The following CHP1 variants were observed in gnomAD, a reference collection of about 807,000 sequenced individuals.
The protein encoded by CHP1 is calcineurin like EF-hand protein 1, also known as calcineurin B homologous protein 1.
A neutral mutation model predicts 27.4 loss-of-function variants in CHP1; 11 were observed. The ratio of observed to expected loss-of-function variants is 0.40; its 90% CI spans 0.25 to 0.67. The LOEUF is 0.67. CHP1 is among the 30% of genes least tolerant of loss of function. The pLI, the probability that CHP1 is intolerant of heterozygous loss-of-function variation, is 0.38. For synonymous variants in CHP1, 89 were observed against 87.4 expected (o/e 1.02, Z -0.10); for missense variants, 169 against 251.3 (o/e 0.67, Z 2.22).
At chr15:41,252,984 G>T (rs1244504734) in intron 2 of CHP1, among the ~76,000 whole-genome samples, 4 of 116,558 alleles carry the variant, frequency 3.4e-5, no homozygotes, top group African/African-American at 1.3e-4. Context: ...CTGTCACCAG[G>T]CTGGAGTGCA....
rs1361105240 is a variant in CHP1, at chr15:41,280,391, C to A, written c.*1002C>A. ...GGCACCCTATAAAGCCTCATGCATT[C>A]ACACCTTTGCAGCATGGTTTATGCC... is the stretch of plus-strand genomic sequence containing the variant. On this transcript the variant is annotated 3_prime_UTR_variant, in exon 7 of 7. Coordinates refer to ENST00000334660, the MANE Select transcript of CHP1 (RefSeq NM_007236.5). The A allele has an allele frequency of 2.6e-5, 4 of 152,436 alleles. No homozygotes were observed. Among genetic ancestry groups the A allele is most frequent in the African/African-American group, 9.7e-5 (4 of 41,376 alleles). 9.4% of individuals were successfully genotyped at this position (152,436 alleles called of 1,614,324 possible).
chr15:41,244,208 A>AC (rs1309773760), intron 2 of CHP1, among the ~76,000 whole-genome samples: 6 of 141,692 alleles, frequency 4.2e-5, no homozygotes, highest in African/African-American at 1.5e-4. Context: ...AAAAAAAAAA[A>AC]AAAAACAGCG....
At chr15:41,237,132 CT>C (rs1163894345) in intron 1 of CHP1, among the ~76,000 whole-genome samples, 2 of 147,362 alleles carry the variant, frequency 1.4e-5, no homozygotes, top group African/African-American at 2.5e-5. Flanking sequence ...CACCTGGCCC[CT>C]TTTTTTCTTT....
chr15:41,231,531 C>A, intron 1 of CHP1, 82 bp downstream of exon 1: 1 of 1,369,572 alleles, frequency 7.3e-7, no homozygotes, highest in Non-Finnish European at 1.0e-6. Context: ...AGGTCTGGAG[C>A]TCGGGTGCCT....
At chr15:41,273,230 T>G (rs554930123) in intron 5 of CHP1, among the ~76,000 whole-genome samples, 2 of 152,234 alleles carry the variant, frequency 1.3e-5, no homozygotes, top group South Asian at 4.1e-4. Flanking sequence ...AAGGTGCAAT[T>G]ATACTAGAAA....
At chr15:41,271,056 C>T (rs970826641) in intron 5 of CHP1, among the ~76,000 whole-genome samples, 1 of 151,944 alleles carries the variant, frequency 6.6e-6, no homozygotes, top group Non-Finnish European at 1.5e-5. Context: ...GAGATCGAGA[C>T]CATCCTGGCT....
At chr15:41,234,882 G>A (rs1478113413) in intron 1 of CHP1, among the ~76,000 whole-genome samples, 1 of 152,080 alleles carries the variant, frequency 6.6e-6, no homozygotes, top group African/African-American at 2.4e-5. Flanking sequence ...TATATCATTG[G>A]GGAGGTGACA....
intron 1 of CHP1, among the ~76,000 whole-genome samples, chr15:41,232,503 G>A (rs918540593): frequency 1.3e-5 from 2 of 150,762 alleles, no homozygotes; most frequent in Non-Finnish European, 3.0e-5. Context: ...GAGCCACCGT[G>A]CCCTGCAGAA....
At chr15:41,272,301 A>G (rs2047493686) in intron 5 of CHP1, 1 of 151,534 alleles carries the variant, frequency 6.6e-6, no homozygotes, top group South Asian at 2.1e-4. Flanking sequence ...CCTGGCCCCA[A>G]CTGTCCATTT....
intron 1 of CHP1, among the ~76,000 whole-genome samples, chr15:41,240,348 T>C (rs2047299851): frequency 6.6e-6 from 1 of 152,034 alleles, no homozygotes. Flanking sequence ...AATTTTAAAA[T>C]TATATAAATT....
chr15:41,269,733 C>G (rs1455313289), intron 4 of CHP1, among the ~76,000 whole-genome samples: 1 of 152,052 alleles, frequency 6.6e-6, no homozygotes, highest in Non-Finnish European at 1.5e-5. Context: ...TTAGTATTTG[C>G]AGCACTCTAT....
intron 1 of CHP1, among the ~76,000 whole-genome samples, chr15:41,241,812 C>T (rs1290195736): frequency 6.6e-6 from 1 of 152,240 alleles, no homozygotes; most frequent in African/African-American, 2.4e-5. Context: ...GTTCCCAACA[C>T]TACAAGTACA....
chr15:41,257,054 C>T (rs1381388634), intron 3 of CHP1, 64 bp downstream of exon 3: 15 of 1,251,908 alleles, frequency 1.2e-5, no homozygotes, highest in Non-Finnish European at 1.7e-5. Flanking sequence ...ATTTGCTAAT[C>T]TGGAATAATG....
At chr15:41,239,942 A>G (rs1464076672) in intron 1 of CHP1, among the ~76,000 whole-genome samples, 1 of 151,120 alleles carries the variant, frequency 6.6e-6, no homozygotes, top group Non-Finnish European at 1.5e-5. Context: ...ACGCCCGTCT[A>G]ATTTTTTGTA....
In CHP1 at chr15:41,281,019, T is replaced by G. The variant is rs1191620873; in HGVS notation, c.*1630T>G. 1 of 151,646 alleles carries G rather than the reference T, an allele frequency of 6.6e-6. No individual in the cohort carries two copies. The highest frequency in any genetic ancestry group is 6.6e-5 in the Admixed American group (1 of 15,206). 9.4% of individuals were successfully genotyped at this position (151,646 alleles called of 1,614,324 possible). A position where few individuals can be genotyped will look rare whatever the true frequency, so the allele number is the denominator to read the frequency against. On this transcript the variant is annotated 3_prime_UTR_variant, in exon 7 of 7. Transcript: ENST00000334660. ...GATTACAGACGTGTGCCACCATACCTGGGTAATTTTTGCATTTTTAGTGGA... is the reference window on the plus strand; with the variant it reads ...GATTACAGACGTGTGCCACCATACCGGGGTAATTTTTGCATTTTTAGTGGA...
At chr15:41,264,898 A>T (rs2047452694) in intron 4 of CHP1, among the ~76,000 whole-genome samples, 1 of 152,226 alleles carries the variant, frequency 6.6e-6, no homozygotes, top group African/African-American at 2.4e-5. Flanking sequence ...CAAAGAAAAG[A>T]CTAGAAGAGT....
At chr15:41,265,481 G>A (rs1050339478) in intron 4 of CHP1, among the ~76,000 whole-genome samples, 10 of 151,328 alleles carry the variant, frequency 6.6e-5, no homozygotes, top group East Asian at 1.9e-4. Flanking sequence ...AGGCCAAGGC[G>A]GGTGGATCAC....
rs114128009 is a variant in CHP1 at position 41,279,313 on chromosome 15, C to G, written c.535-23C>G. 414 of 1,597,136 alleles carry G rather than the reference C, an allele frequency of 2.6e-4. 1 individual carries two copies. In the African/African-American group the frequency reaches 5.1e-3, roughly 20 times the overall value. On this transcript the variant is annotated intron_variant, in intron 6 of 6. Coordinates refer to ENST00000334660, the MANE Select transcript of CHP1 (RefSeq NM_007236.5). ...GTTGTAATCTTCATAACCTTTGTAA[C>G]TGTTACTGGTTTTCTCCCCCAGGTT...
At chr15:41,239,293 A>G (rs1428944244) in intron 1 of CHP1, among the ~76,000 whole-genome samples, 2 of 150,332 alleles carry the variant, frequency 1.3e-5, no homozygotes, top group East Asian at 1.9e-4. Flanking sequence ...ACTGACTCCC[A>G]TATAACCCAG....
Sources: gnomAD v4.1 joint callset for allele counts (sites outside exome capture counted in the v4.1 genomes callset) on GRCh38, gnomAD v4.1.1 for gene constraint, MANE v1.5 for transcripts, NCBI Gene and HGNC (gene_info 2026-07-23, HGNC 2026-07-21) for gene names.